The following RAP1GAP variants were observed in gnomAD, a reference collection of about 807,000 sequenced individuals.
The protein encoded by RAP1GAP is rap1 GTPase-activating protein 1.
Under a neutral mutation model 87.2 loss-of-function variants are expected in RAP1GAP, and 35 were observed. The ratio of observed to expected loss-of-function variants is 0.40; its 90% CI spans 0.31 to 0.53. RAP1GAP has a LOEUF of 0.53. Among genes scored for constraint, RAP1GAP ranks in the 20% least tolerant of loss-of-function variants. The probability of loss-of-function intolerance (pLI) is 0.48; values close to 1 mark genes in which losing one functional copy is unlikely to be tolerated. For missense variants in RAP1GAP, 734 were observed against 898.9 expected (o/e 0.82, Z 2.35); for synonymous variants, 375 against 363.9 (o/e 1.03, Z -0.35).
chr1:21,661,828 A>AGCT (rs1411517256), intron 1 of RAP1GAP, among the ~76,000 whole-genome samples: 1 of 152,240 alleles, frequency 6.6e-6, no homozygotes, highest in Non-Finnish European at 1.5e-5. Context: ...GACTGTGGGC[A>AGCT]GCTCCCCAGT....
intron 2 of RAP1GAP, among the ~76,000 whole-genome samples, chr1:21,628,400 T>TAAAAAA (rs528098037): frequency 1.9e-5 from 1 of 52,434 alleles, no homozygotes; most frequent in African/African-American, 1.2e-4. Flanking sequence ...CCATCTCTAC[T>TAAAAAA]AAAAAAAAAA....
chr1:21,620,629 G>A (rs1309597478), intron 3 of RAP1GAP, among the ~76,000 whole-genome samples: 3 of 152,116 alleles, frequency 2.0e-5, no homozygotes, highest in African/African-American at 4.8e-5. Context: ...GAGTTAATCC[G>A]GTGTCTGCCA....
chr1:21,648,579 A>T (rs1571306655), intron 2 of RAP1GAP, among the ~76,000 whole-genome samples: 1 of 152,222 alleles, frequency 6.6e-6, no homozygotes, highest in African/African-American at 2.4e-5. Flanking sequence ...CGTCTACTAC[A>T]GTACCCAGTG....
chr1:21,655,385 GACAC>G (rs138776859), intron 1 of RAP1GAP, among the ~76,000 whole-genome samples: 7 of 151,966 alleles, frequency 4.6e-5, no homozygotes, highest in Non-Finnish European at 8.8e-5. Context: ...CTCCAGGACT[GACAC>G]ACACACACAG....
rs2076758895 is a variant in RAP1GAP, at chr1:21,609,343, T to TA, written c.1071+231dup. Among the ~76,000 whole-genome samples the TA allele has an allele frequency of 6.6e-6, 1 of 151,286 alleles. No homozygotes were observed. The highest frequency in any genetic ancestry group is 1.5e-5 in the Non-Finnish European group (1 of 67,928). ...GAACAGAAATGAGGAGAGGCCAGTC[T>TA]ACTATGGAAAGTGTAAAACAATCGT... On this transcript the variant is annotated intron_variant, in intron 15 of 24. Transcript: ENST00000374765. This position sits in a 1 kb window ranked among gnomAD's most constrained non-coding sequence, Gnocchi z 4.4.
intron 7 of RAP1GAP, among the ~76,000 whole-genome samples, chr1:21,614,297 CCG>C (rs952695500): frequency 1.3e-5 from 2 of 152,214 alleles, no homozygotes; most frequent in African/African-American, 4.8e-5. Context: ...GGTCACTTGG[CCG>C]CTCTGTGCCT....
At chr1:21,629,248 T>G (rs2093193888) in intron 2 of RAP1GAP, among the ~76,000 whole-genome samples, 1 of 152,080 alleles carries the variant, frequency 6.6e-6, no homozygotes, top group South Asian at 2.1e-4. Flanking sequence ...GAGTGCTGGG[T>G]GCGGCCGTGG....
At chr1:21,600,533 A>T (rs2067272583) in intron 20 of RAP1GAP, among the ~76,000 whole-genome samples, 1 of 152,154 alleles carries the variant, frequency 6.6e-6, no homozygotes, top group African/African-American at 2.4e-5. Context: ...TCAGCTTCTT[A>T]AAGCATCGCC....
chr1:21,627,643 G>GACCTCAGGTGATCTGCCC (rs2092660413), intron 2 of RAP1GAP, among the ~76,000 whole-genome samples: 1 of 151,898 alleles, frequency 6.6e-6, no homozygotes. Flanking sequence ...TCGAACTCCC[G>GACCTCAGGTGATCTGCCC]ACCTCAGGTG....
intron 1 of RAP1GAP, among the ~76,000 whole-genome samples, chr1:21,658,113 G>A (rs545864010): frequency 6.6e-6 from 1 of 152,326 alleles, no homozygotes; most frequent in South Asian, 2.1e-4. Flanking sequence ...AGATATTCAA[G>A]TGGGTAAAAA....
At chr1:21,600,303 C>T (rs1194475072) in intron 20 of RAP1GAP, among the ~76,000 whole-genome samples, 2 of 152,212 alleles carry the variant, frequency 1.3e-5, no homozygotes, top group Non-Finnish European at 2.9e-5. Context: ...ACCCTCCCCA[C>T]TCTGGCTCCT....
intron 2 of RAP1GAP, among the ~76,000 whole-genome samples, chr1:21,636,948 GGGAGGGAGGGAGGGAGGA>G: frequency 1.4e-5 from 2 of 139,892 alleles, no homozygotes; most frequent in African/African-American, 2.7e-5. Flanking sequence ...GAGGGAGGAA[GGGAGGGAGGGAGGGAGGA>G]AGGGAAAGCA....
chr1:21,650,532 C>T (rs999313023), intron 1 of RAP1GAP, among the ~76,000 whole-genome samples: 3 of 152,198 alleles, frequency 2.0e-5, no homozygotes, highest in Non-Finnish European at 4.4e-5. Flanking sequence ...ACAAACAACT[C>T]GCCTCCTGCC....
rs147019645 is a variant in RAP1GAP, at chr1:21,606,660, C to G, written c.1297-463G>C. Among the ~76,000 whole-genome samples the G allele has an allele frequency of 5.5e-3, 839 of 152,272 alleles. 11 individuals are homozygous for G. Among genetic ancestry groups the G allele is most frequent in the African/African-American group, 0.018 (766 of 41,548 alleles). On this transcript the variant is annotated intron_variant, in intron 17 of 24. Coordinates refer to ENST00000374765, the MANE Select transcript of RAP1GAP (RefSeq NM_002885.4). ...GCTCTCCTGCCTTCTTTCTTTTCTT[C>G]CCTCCCACCCTCTTTCCTTGTTTTT...
Position 21,609,564 on chromosome 1 carries a change from G to C in RAP1GAP, c.1071+11C>G, listed in dbSNP as rs762373049. ...TCCTGCTCTGCCCATGACTGGGGGG[G>C]TGCCCCTCACCTTCCTGAACACAGC... On this transcript the variant is annotated intron_variant, in intron 15 of 24. Transcript: ENST00000374765. The surrounding 1 kb of genome is among the most constrained non-coding windows in gnomAD (Gnocchi z 4.4). The C allele has an allele frequency of 1.3e-6, 2 of 1,493,564 alleles. No homozygotes were observed. The highest frequency in any genetic ancestry group is 3.9e-5 in the Admixed American group (2 of 50,686). 92.5% of individuals were successfully genotyped at this position (1,493,564 alleles called of 1,614,324 possible). A position where few individuals can be genotyped will look rare whatever the true frequency, so the allele number is the denominator to read the frequency against.
At chr1:21,631,497 C>G (rs2093721103) in intron 2 of RAP1GAP, among the ~76,000 whole-genome samples, 1 of 152,144 alleles carries the variant, frequency 6.6e-6, no homozygotes, top group African/African-American at 2.4e-5. Context: ...ACCAACCTGG[C>G]CTACATGGCG....
Position 21,619,064 on chromosome 1 carries a change from C to T in RAP1GAP, c.27G>A (p.Arg9=). ...GGAAGGAGCAGCGTTGTTCATCCAT[C>T]CTGCTTCCCTGTAAGAGAAGGCAGC... MIEKMQGS[R]MDEQRCSFPP... Residue 9 remains arginine (R), a synonymous_variant, in exon 5 of 25, where the codon AGG becomes AGA. Transcript: ENST00000374765. 6.3e-7 allele frequency: 1 copy of T among 1,599,600 alleles called. No homozygotes were observed. Among genetic ancestry groups the T allele is most frequent in the Non-Finnish European group, 8.5e-7 (1 of 1,172,170 alleles).
In RAP1GAP at chr1:21,609,542, T is replaced by C; in HGVS notation, c.1071+33A>G. 1 of 1,339,208 alleles carries C rather than the reference T, an allele frequency of 7.5e-7. No homozygotes were observed. The highest frequency in any genetic ancestry group is 1.0e-6 in the Non-Finnish European group (1 of 987,152). The allele number at this position is 1,339,208 out of a possible 1,614,324, so 83.0% of individuals were successfully genotyped here. A position where few individuals can be genotyped will look rare whatever the true frequency, so the allele number is the denominator to read the frequency against. On this transcript the variant is annotated intron_variant, in intron 15 of 24. Transcript: ENST00000374765. This position sits in a 1 kb window ranked among gnomAD's most constrained non-coding sequence, Gnocchi z 4.4. Reference sequence around the variant, plus strand: ...CCCCCAGGCCCCCACCCATTTGTCCTGCTCTGCCCATGACTGGGGGGGTGC... The same window carrying C: ...CCCCCAGGCCCCCACCCATTTGTCCCGCTCTGCCCATGACTGGGGGGGTGC...
In RAP1GAP at chr1:21,597,739, A is replaced by G; in HGVS notation, c.1984-11T>C. 6.2e-7 allele frequency: 1 copy of G among 1,613,516 alleles called. No individual in the cohort carries two copies. Among genetic ancestry groups the G allele is most frequent in the Non-Finnish European group, 8.5e-7 (1 of 1,179,616 alleles). On this transcript the variant is annotated splice_polypyrimidine_tract_variant and intron_variant, in intron 23 of 24. Transcript: ENST00000374765. ...GCCCGGCTAACAGCCCTGCAGACAG[A>G]CAGTGGTGGTGAGGCAGGTGGCAAG...
Sources: allele counts gnomAD v4.1 joint callset (sites outside exome capture counted in the v4.1 genomes callset), GRCh38; gene constraint gnomAD v4.1.1; non-coding constraint Gnocchi (gnomAD v3.1); transcripts MANE v1.5; gene names NCBI Gene and HGNC (gene_info 2026-07-23, HGNC 2026-07-21).